NHSL1: variants seen among roughly 807,000 people sequenced by gnomAD.
NHSL1 encodes NHS like 1.
A neutral mutation model predicts 95.0 loss-of-function variants in NHSL1; 48 were observed. The ratio of observed to expected loss-of-function variants is 0.51; its 90% CI spans 0.40 to 0.64. The LOEUF (loss-of-function observed/expected upper bound fraction) is 0.64. NHSL1 is among the 30% of genes least tolerant of loss of function. The probability of loss-of-function intolerance (pLI) is 0.00; values close to 1 mark genes in which losing one functional copy is unlikely to be tolerated. For missense variants in NHSL1, 1,971 were observed against 2,077.7 expected (o/e 0.95, Z 1.00); for synonymous variants, 783 against 833.9 (o/e 0.94, Z 1.05).
rs1487635639 is a variant in NHSL1, at chr6:138,432,318, G to A, written c.2027C>T (p.Ser676Phe). The A allele has an allele frequency of 2.6e-6, 4 of 1,551,618 alleles. No individual in the cohort carries two copies. Among genetic ancestry groups the A allele is most frequent in the African/African-American group, 2.7e-5 (2 of 73,054 alleles). ...AATCCTGCGGAGGGAGTCTGTCCGG[G>A]AGGGTGGCAGGGGAGGCTTCTTTGC... ...KKAKKPPLPPSRTDSLRRIPK... is the reference protein window; with the variant it reads ...KKAKKPPLPPFRTDSLRRIPK... Residue 676 changes from serine to phenylalanine, a missense_variant, in exon 6 of 8, where the codon TCC becomes TTC. Around this residue, in one of 3 missense-constraint regions of NHSL1, gnomAD observed 1,602 missense variants for 1,654.5 expected, o/e 0.97. Coordinates refer to ENST00000343505, the MANE Select transcript of NHSL1 (RefSeq NM_001144060.2). This position sits in a 1 kb window ranked among gnomAD's most constrained non-coding sequence, Gnocchi z 4.4.
intron 1 of NHSL1, among the ~76,000 whole-genome samples, chr6:138,649,198 C>T (rs996347651): frequency 4.6e-5 from 7 of 152,070 alleles, no homozygotes; most frequent in Admixed American, 2.6e-4. Context: ...TCATCCAGAA[C>T]CTCTCACAGT....
chr6:138,631,320 T>C (rs1784816908), intron 1 of NHSL1, among the ~76,000 whole-genome samples: 1 of 152,188 alleles, frequency 6.6e-6, no homozygotes, highest in Non-Finnish European at 1.5e-5. Context: ...CAAGTCGTGC[T>C]GGACTAGGCC....
chr6:138,596,016 C>T (rs1784298901), intron 1 of NHSL1, among the ~76,000 whole-genome samples: 1 of 152,182 alleles, frequency 6.6e-6, no homozygotes, highest in Non-Finnish European at 1.5e-5. Context: ...ATAAACCCTA[C>T]TTGGAAGCTA....
chr6:138,608,870 G>A (rs1784470479), intron 1 of NHSL1, among the ~76,000 whole-genome samples: 1 of 152,138 alleles, frequency 6.6e-6, no homozygotes. Flanking sequence ...CTTAAACACA[G>A]GAAAGACATT....
At chr6:138,479,297 G>A (rs1779275450) in intron 2 of NHSL1, among the ~76,000 whole-genome samples, 1 of 152,090 alleles carries the variant, frequency 6.6e-6, no homozygotes. Flanking sequence ...TCCTTTTTAA[G>A]TCAAAAGCTT....
At chr6:138,467,963 G>C (rs1350448654) in intron 3 of NHSL1, among the ~76,000 whole-genome samples, 1 of 152,156 alleles carries the variant, frequency 6.6e-6, no homozygotes, top group Non-Finnish European at 1.5e-5. Flanking sequence ...GCCCAGGCTA[G>C]TCTTGAATTC....
chr6:138,433,737 C>T lies in NHSL1; in HGVS notation c.665-57G>A, dbSNP rs1021076572. ...TGAAAATAAAATCCATAGTTCATCACGTGTACCCTCACCCCTCTGACAGAA... is the reference window on the plus strand; with the variant it reads ...TGAAAATAAAATCCATAGTTCATCATGTGTACCCTCACCCCTCTGACAGAA... On this transcript the variant is annotated intron_variant, in intron 5 of 7. Transcript: ENST00000343505. 21 of 1,434,440 alleles carry T rather than the reference C, an allele frequency of 1.5e-5. 1 individual carries two copies. Among genetic ancestry groups the T allele is most frequent in the Middle Eastern group, 1.8e-4 (1 of 5,524 alleles). 88.9% of individuals were successfully genotyped at this position (1,434,440 alleles called of 1,614,324 possible). A position where few individuals can be genotyped will look rare whatever the true frequency, so the allele number is the denominator to read the frequency against.
At chr6:138,587,134 G>A (rs1362683345) in intron 1 of NHSL1, among the ~76,000 whole-genome samples, 4 of 151,774 alleles carry the variant, frequency 2.6e-5, no homozygotes, top group African/African-American at 4.8e-5. Flanking sequence ...CACCATGCCC[G>A]GCTAATTTTT....
intron 2 of NHSL1, among the ~76,000 whole-genome samples, chr6:138,483,662 T>C (rs550390078): frequency 2.1e-4 from 32 of 152,304 alleles, no homozygotes; most frequent in African/African-American, 7.0e-4. Context: ...CTGTGAACTT[T>C]CAACACACAA....
chr6:138,461,728 T>C (rs968169959), intron 3 of NHSL1, among the ~76,000 whole-genome samples: 1 of 152,186 alleles, frequency 6.6e-6, no homozygotes, highest in Non-Finnish European at 1.5e-5. Flanking sequence ...TCTTTGGACA[T>C]GTTTAATTAT....
chr6:138,692,867 C>T (rs1785701680), upstream of NHSL1, among the ~76,000 whole-genome samples: 1 of 150,838 alleles, frequency 6.6e-6, no homozygotes, highest in East Asian at 2.0e-4. This position sits in a 1 kb window ranked among gnomAD's most constrained non-coding sequence, Gnocchi z 4.0. Context: ...AGCGGCGGGG[C>T]GCCGAGGGAA....
intron 7 of NHSL1, among the ~76,000 whole-genome samples, chr6:138,426,454 T>TA (rs1173510483): frequency 6.6e-6 from 1 of 152,216 alleles, no homozygotes; most frequent in Non-Finnish European, 1.5e-5. Context: ...CAAGTTAACA[T>TA]TTCTGACTGT....
At chr6:138,666,121 T>A (rs1450379375) in intron 1 of NHSL1, among the ~76,000 whole-genome samples, 1 of 151,738 alleles carries the variant, frequency 6.6e-6, no homozygotes, top group Non-Finnish European at 1.5e-5. Context: ...CTGACCAACA[T>A]GGAGAAACCC....
At chr6:138,613,011 T>C (rs1437686713) in intron 1 of NHSL1, among the ~76,000 whole-genome samples, 1 of 152,152 alleles carries the variant, frequency 6.6e-6, no homozygotes, top group East Asian at 1.9e-4. Context: ...TGAGAGCTAA[T>C]GGAAGTAGAA....
At chr6:138,603,484 G>C (rs770371981) in intron 1 of NHSL1, among the ~76,000 whole-genome samples, 1 of 152,272 alleles carries the variant, frequency 6.6e-6, no homozygotes, top group East Asian at 1.9e-4. Context: ...ATAGTGTTTT[G>C]AAGGTCTTTT....
chr6:138,437,343 CACATATATATAT>C lies in NHSL1; in HGVS notation c.665-3675_665-3664del, dbSNP rs1473998136. Among the ~76,000 whole-genome samples, 86 of 28,674 alleles carry C rather than the reference CACATATATATAT, an allele frequency of 3.0e-3. 1 individual carries two copies. The highest frequency in any genetic ancestry group is 0.015 in the African/African-American group (76 of 5,184). 18.8% of individuals were successfully genotyped at this position (28,674 alleles called of 152,430 possible). A position where few individuals can be genotyped will look rare whatever the true frequency, so the allele number is the denominator to read the frequency against. ...ATACACACACACATATATATATATACACATATATATATACACATATATATATATACACATATA... is the reference window on the plus strand; with the variant it reads ...ATACACACACACATATATATATATACACACATATATATATATACACATATA... On this transcript the variant is annotated intron_variant, in intron 5 of 7. Coordinates refer to ENST00000343505, the MANE Select transcript of NHSL1 (RefSeq NM_001144060.2).
At chr6:138,562,137 T>C (rs1186401510) in intron 1 of NHSL1, among the ~76,000 whole-genome samples, 1 of 152,174 alleles carries the variant, frequency 6.6e-6, no homozygotes, top group Non-Finnish European at 1.5e-5. Flanking sequence ...ATATGAACAG[T>C]GTGTATGTTG....
chr6:138,475,149 CA>C (rs71009587), intron 2 of NHSL1, among the ~76,000 whole-genome samples: 8,384 of 100,610 alleles, frequency 0.083, 635 homozygotes, highest in East Asian at 0.35. Flanking sequence ...AACTCGGTCT[CA>C]AAAAAAAAAA....
At chr6:138,648,506 C>T (rs187915328) in intron 1 of NHSL1, among the ~76,000 whole-genome samples, 15 of 152,208 alleles carry the variant, frequency 9.9e-5, no homozygotes, top group East Asian at 1.9e-4. Context: ...GCCAAGCCTC[C>T]GTCTCTCCCA....
Sources: allele counts gnomAD v4.1 joint callset (sites outside exome capture counted in the v4.1 genomes callset), GRCh38; gene constraint gnomAD v4.1.1; regional missense constraint gnomAD v4.1.1; non-coding constraint Gnocchi (gnomAD v3.1); transcripts MANE v1.5; gene names NCBI Gene and HGNC (gene_info 2026-07-23, HGNC 2026-07-21).